The following PCDH15 variants were observed in gnomAD, a reference collection of about 807,000 sequenced individuals.
PCDH15 encodes protocadherin-15.
A neutral mutation model predicts 178.5 loss-of-function variants in PCDH15; 129 were observed. The observed-to-expected ratio is 0.72, with a 90% CI of 0.63 to 0.84. PCDH15 has a LOEUF of 0.84. Among genes scored for constraint, PCDH15 ranks in the 40% least tolerant of loss-of-function variants. The pLI is 0.00. For synonymous variants in PCDH15, 800 were observed against 732.0 expected (o/e 1.09, Z -1.50); for missense variants, 2,230 against 2,099.9 (o/e 1.06, Z -1.21).
chr10:54,690,859 AGAT>A (rs2135791699), intron 1 of PCDH15, among the ~76,000 whole-genome samples: 1 of 152,170 alleles, frequency 6.6e-6, no homozygotes, highest in Non-Finnish European at 1.5e-5. Flanking sequence ...GTGCATAAGA[AGAT>A]GACCATCATT....
intron 18 of PCDH15, among the ~76,000 whole-genome samples, chr10:54,050,049 T>G (rs1424909097): frequency 1.3e-5 from 2 of 152,158 alleles, no homozygotes; most frequent in African/African-American, 2.4e-5. Context: ...ATTTACCAGA[T>G]TTTAGTATCA....
chr10:54,554,766 A>G (rs967797240), intron 2 of PCDH15, among the ~76,000 whole-genome samples: 1 of 152,194 alleles, frequency 6.6e-6, no homozygotes, highest in African/African-American at 2.4e-5. Flanking sequence ...TAGGGAATGT[A>G]AAATGGAAAA....
At chr10:53,924,278 G>T (rs1341465618) in intron 25 of PCDH15, among the ~76,000 whole-genome samples, 1 of 152,220 alleles carries the variant, frequency 6.6e-6, no homozygotes, top group East Asian at 1.9e-4. Flanking sequence ...ACTCAGAGCG[G>T]CCGGCTGGCA....
intron 3 of PCDH15, among the ~76,000 whole-genome samples, chr10:54,810,716 G>A (rs1238654646): frequency 1.3e-5 from 2 of 151,980 alleles, no homozygotes; most frequent in East Asian, 1.9e-4. Context: ...TTGAAAATAT[G>A]AGAGCTAATT....
At chr10:55,119,192 T>C (rs1176234071) in intron 2 of PCDH15, among the ~76,000 whole-genome samples, 1 of 152,154 alleles carries the variant, frequency 6.6e-6, no homozygotes, top group Non-Finnish European at 1.5e-5. Flanking sequence ...AAAATGACGA[T>C]GGCAGATCAT....
At chr10:55,390,051 G>T (rs1274370678) in intron 2 of PCDH15, among the ~76,000 whole-genome samples, 1 of 152,072 alleles carries the variant, frequency 6.6e-6, no homozygotes, top group Non-Finnish European at 1.5e-5. Flanking sequence ...ACAACTCAGA[G>T]ATATTGCGGG....
At chr10:54,219,115 A>G (rs2052454049) in intron 9 of PCDH15, among the ~76,000 whole-genome samples, 1 of 145,936 alleles carries the variant, frequency 6.9e-6, no homozygotes, top group Non-Finnish European at 1.5e-5. Flanking sequence ...AAACAAAAAA[A>G]AAACAAAAAA....
chr10:54,654,313 A>T (rs1469291697), intron 2 of PCDH15, among the ~76,000 whole-genome samples: 1 of 151,672 alleles, frequency 6.6e-6, no homozygotes. Flanking sequence ...ATGGAAAAAT[A>T]AATGAGAGTG....
chr10:54,980,294 C>T (rs1415454750), intron 2 of PCDH15, among the ~76,000 whole-genome samples: 2 of 152,244 alleles, frequency 1.3e-5, no homozygotes, highest in African/African-American at 4.8e-5. Flanking sequence ...AACATTTACA[C>T]ATATCTATAT....
chr10:55,037,656 A>G (rs886379162), intron 2 of PCDH15, among the ~76,000 whole-genome samples: 3 of 147,092 alleles, frequency 2.0e-5, no homozygotes, highest in Non-Finnish European at 4.4e-5. Context: ...ATTAGCTTAG[A>G]AAGAAAGTTC....
At chr10:55,399,679 G>A (rs1721194756) in intron 2 of PCDH15, among the ~76,000 whole-genome samples, 1 of 152,078 alleles carries the variant, frequency 6.6e-6, no homozygotes, top group African/African-American at 2.4e-5. Flanking sequence ...GCTGTCTGAA[G>A]AAGGTCTGAT....
At chr10:55,327,995 G>T (rs535541194) in intron 2 of PCDH15, among the ~76,000 whole-genome samples, 5 of 151,986 alleles carry the variant, frequency 3.3e-5, no homozygotes, top group Admixed American at 3.3e-4. Flanking sequence ...TGCTATTGTT[G>T]TTTGGAAAGA....
At chr10:55,202,097 A>G (rs1840266774) in intron 1 of PCDH15, among the ~76,000 whole-genome samples, 1 of 152,102 alleles carries the variant, frequency 6.6e-6, no homozygotes, top group Non-Finnish European at 1.5e-5. Flanking sequence ...GTATTAAGCC[A>G]TTTGCTGAAT....
chr10:53,905,901 G>A (rs1234195858), intron 25 of PCDH15, among the ~76,000 whole-genome samples: 1 of 151,704 alleles, frequency 6.6e-6, no homozygotes, highest in Non-Finnish European at 1.5e-5. Context: ...GAAAACTAAT[G>A]ACTATACAAT....
intron 3 of PCDH15, among the ~76,000 whole-genome samples, chr10:54,499,765 T>C (rs113672360): frequency 0.024 from 3,571 of 151,388 alleles, 63 homozygotes; most frequent in South Asian, 0.037. Flanking sequence ...CAAGAGGAAG[T>C]AGGAAAAAAA....
chr10:55,301,576 G>T (rs953747904), intron 1 of PCDH15, among the ~76,000 whole-genome samples: 4 of 151,688 alleles, frequency 2.6e-5, no homozygotes, highest in Admixed American at 1.3e-4. Flanking sequence ...AGTATCGTTT[G>T]TACAGCAAAA....
At chr10:54,075,393 G>T (rs10825216) in intron 17 of PCDH15, among the ~76,000 whole-genome samples, 2 of 44,518 alleles carry the variant, frequency 4.5e-5, no homozygotes, top group African/African-American at 7.2e-5. Flanking sequence ...TAAAAAAAAA[G>T]ATCTATATAT....
At chr10:54,036,830 A>G (rs980664214) in intron 18 of PCDH15, among the ~76,000 whole-genome samples, 1 of 151,984 alleles carries the variant, frequency 6.6e-6, no homozygotes, top group African/African-American at 2.4e-5. Context: ...AAGTGAACTA[A>G]AAATCTTATG....
chr10:54,132,738 A>G, intron 15 of PCDH15, 137 bp downstream of exon 15: 1 of 1,428,450 alleles, frequency 7.0e-7, no homozygotes, highest in Non-Finnish European at 9.5e-7. Context: ...TCCTTTCCAG[A>G]TGGAATTTTC....
Sources: gnomAD v4.1 joint callset for allele counts (sites outside exome capture counted in the v4.1 genomes callset) on GRCh38, gnomAD v4.1.1 for gene constraint, MANE v1.5 for transcripts, NCBI Gene and HGNC (gene_info 2026-07-23, HGNC 2026-07-21) for gene names.